Variants in EXT1 observed in about 807,000 individuals in gnomAD.
EXT1 encodes exostosin glycosyltransferase 1, also known as exostosin-1.
In EXT1, 20 loss-of-function variants were observed where a neutral mutation model predicts 82.5. The observed-to-expected ratio is 0.24, with a 90% CI of 0.17 to 0.35. The LOEUF (loss-of-function observed/expected upper bound fraction) is 0.35, where lower values mean the gene tolerates loss of function less well. Among genes scored for constraint, EXT1 ranks in the 10% least tolerant of loss-of-function variants. The probability of loss-of-function intolerance (pLI) is 1.00; values close to 1 mark genes in which losing one functional copy is unlikely to be tolerated. For synonymous variants in EXT1, 348 were observed against 350.8 expected (o/e 0.99, Z 0.09); for missense variants, 757 against 936.5 (o/e 0.81, Z 2.50).
chr8:117,971,188 G>A (rs1363313334), intron 1 of EXT1, among the ~76,000 whole-genome samples: 4 of 152,274 alleles, frequency 2.6e-5, no homozygotes, highest in South Asian at 2.1e-4. Context: ...TGGGGAGGGA[G>A]TGGACTGCAA....
intron 1 of EXT1, among the ~76,000 whole-genome samples, chr8:117,849,227 C>G (rs1439141861): frequency 6.6e-6 from 1 of 152,224 alleles, no homozygotes; most frequent in Non-Finnish European, 1.5e-5. Flanking sequence ...TGCCCTGTTT[C>G]ATCTCCATCC....
At chr8:117,840,288 G>A (rs771617223) in intron 1 of EXT1, among the ~76,000 whole-genome samples, 1 of 151,870 alleles carries the variant, frequency 6.6e-6, no homozygotes, top group African/African-American at 2.4e-5. Context: ...ATCCCCCCAG[G>A]TCCCATCAAG....
intron 1 of EXT1, among the ~76,000 whole-genome samples, chr8:117,879,462 T>G (rs1315929988): frequency 6.6e-6 from 1 of 152,066 alleles, no homozygotes; most frequent in Non-Finnish European, 1.5e-5. Context: ...AGGAACTCTA[T>G]AATGTGGAAG....
chr8:117,945,885 C>A (rs1294550494), intron 1 of EXT1, among the ~76,000 whole-genome samples: 1 of 151,968 alleles, frequency 6.6e-6, no homozygotes, highest in East Asian at 1.9e-4. Flanking sequence ...TACAAGATTA[C>A]TGTATTATGT....
intron 1 of EXT1, among the ~76,000 whole-genome samples, chr8:118,055,136 T>G (rs555863330): frequency 6.6e-6 from 1 of 152,276 alleles, no homozygotes; most frequent in South Asian, 2.1e-4. Context: ...CACTCTCTTT[T>G]CCTTACCATC....
intron 1 of EXT1, among the ~76,000 whole-genome samples, chr8:117,906,836 A>C (rs1335827697): frequency 6.6e-6 from 1 of 152,176 alleles, no homozygotes; most frequent in African/African-American, 2.4e-5. Context: ...ATCTCAGAGC[A>C]GAAGGCAGAG....
At chr8:118,041,098 A>T (rs1404946802) in intron 1 of EXT1, among the ~76,000 whole-genome samples, 1 of 152,258 alleles carries the variant, frequency 6.6e-6, no homozygotes, top group Non-Finnish European at 1.5e-5. Context: ...TAAAATTTTT[A>T]TCCACAACAA....
At chr8:118,037,836 G>GTTTTTT (rs58862041) in intron 1 of EXT1, among the ~76,000 whole-genome samples, 97 of 107,352 alleles carry the variant, frequency 9.0e-4, no homozygotes, top group African/African-American at 1.9e-3. Flanking sequence ...AGTGTTTTTT[G>GTTTTTT]TTTTTTTTTT....
At chr8:118,064,171 A>G (rs1014687779) in intron 1 of EXT1, among the ~76,000 whole-genome samples, 6 of 151,570 alleles carry the variant, frequency 4.0e-5, no homozygotes, top group Non-Finnish European at 5.9e-5. Context: ...GTCGCTACAC[A>G]CTTTTTTTCT....
chr8:117,932,236 G>C (rs1000824912), intron 1 of EXT1, among the ~76,000 whole-genome samples: 16 of 152,114 alleles, frequency 1.1e-4, no homozygotes, highest in African/African-American at 3.6e-4. Context: ...GAACAGAAAA[G>C]TTATTAGGAA....
At chr8:117,861,688 G>T (rs1403929418) in intron 1 of EXT1, among the ~76,000 whole-genome samples, 1 of 142,434 alleles carries the variant, frequency 7.0e-6, no homozygotes, top group Non-Finnish European at 1.6e-5. Flanking sequence ...TAGAGATGGG[G>T]TTTTACCATG....
intron 1 of EXT1, among the ~76,000 whole-genome samples, chr8:118,086,071 T>C (rs2129990390): frequency 6.6e-6 from 1 of 152,236 alleles, no homozygotes; most frequent in African/African-American, 2.4e-5. Context: ...TACTGGCTAA[T>C]TTTCTGGTAC....
chr8:118,023,947 G>A (rs1311306321), intron 1 of EXT1, among the ~76,000 whole-genome samples: 1 of 152,170 alleles, frequency 6.6e-6, no homozygotes, highest in Non-Finnish European at 1.5e-5. Context: ...TTCCTACCTT[G>A]TGCCACATGC....
At chr8:118,005,078 T>A (rs985054390) in intron 1 of EXT1, among the ~76,000 whole-genome samples, 1 of 152,146 alleles carries the variant, frequency 6.6e-6, no homozygotes, top group Non-Finnish European at 1.5e-5. Context: ...TTGCATGAGA[T>A]CACAGAGCTG....
At chr8:118,096,618 AGGAG>A (rs1586271413) in intron 1 of EXT1, among the ~76,000 whole-genome samples, 1 of 29,292 alleles carries the variant, frequency 3.4e-5, no homozygotes, top group East Asian at 1.6e-3. Context: ...GAAGGAAGGA[AGGAG>A]GAAGGAAGGA....
At chr8:117,859,382 T>C (rs534524398) in intron 1 of EXT1, among the ~76,000 whole-genome samples, 4 of 152,338 alleles carry the variant, frequency 2.6e-5, no homozygotes, top group African/African-American at 7.2e-5. Context: ...TATGTATTTT[T>C]AAAAGAAGAA....
At chr8:117,936,115 A>C (rs1014965432) in intron 1 of EXT1, among the ~76,000 whole-genome samples, 5 of 152,208 alleles carry the variant, frequency 3.3e-5, no homozygotes, top group African/African-American at 1.2e-4. Flanking sequence ...ACTTGGCAAC[A>C]TGTTTCCACT....
At chr8:117,843,684 C>T (rs1051795811) in intron 1 of EXT1, among the ~76,000 whole-genome samples, 3 of 152,100 alleles carry the variant, frequency 2.0e-5, no homozygotes, top group Admixed American at 6.6e-5. Flanking sequence ...CACTGAAGGG[C>T]TTGAGCAGAA....
At chr8:117,920,389 A>C (rs1467004912) in intron 1 of EXT1, among the ~76,000 whole-genome samples, 1 of 152,218 alleles carries the variant, frequency 6.6e-6, no homozygotes, top group East Asian at 1.9e-4. Flanking sequence ...GGCATGAGCC[A>C]CCGCACCTGG....
Sources: allele counts gnomAD v4.1 joint callset (sites outside exome capture counted in the v4.1 genomes callset), GRCh38; gene constraint gnomAD v4.1.1; transcripts MANE v1.5; gene names NCBI Gene and HGNC (gene_info 2026-07-23, HGNC 2026-07-21).